MTOR: variants seen among roughly 807,000 people sequenced by gnomAD.
MTOR encodes the protein mechanistic target of rapamycin kinase.
A neutral mutation model predicts 319.8 loss-of-function variants in MTOR; 70 were observed. The ratio of observed to expected loss-of-function variants is 0.22; its 90% CI spans 0.18 to 0.27. The LOEUF (loss-of-function observed/expected upper bound fraction) is 0.27, where lower values mean the gene tolerates loss of function less well. MTOR is among the 10% of genes least tolerant of loss of function. The probability of loss-of-function intolerance (pLI) is 1.00; values close to 1 mark genes in which losing one functional copy is unlikely to be tolerated. For synonymous variants in MTOR, 1,183 were observed against 1,211.4 expected, an observed-to-expected ratio of 0.98 and a Z score of 0.49; for missense variants, 1,890 against 3,274.4, an observed-to-expected ratio of 0.58 and a Z score of 10.32.
intron 11 of MTOR, 49 bp downstream of exon 11, chr1:11,240,254 G>A: frequency 6.6e-7 from 1 of 1,510,228 alleles, no homozygotes; most frequent in Non-Finnish European, 8.8e-7. Context: ...CTTTCCCAAA[G>A]TTTCCAGCAT....
chr1:11,228,545 G>T (rs1055348578), intron 19 of MTOR, 123 bp downstream of exon 19: 1 of 1,317,922 alleles, frequency 7.6e-7, no homozygotes, highest in Non-Finnish European at 1.0e-6. Context: ...TGGGAGTTAA[G>T]GGGGAGGAAG....
At chr1:11,114,575 G>C in intron 52 of MTOR, 122 bp from the exon 53 acceptor site, 1 of 1,385,278 alleles carries the variant, frequency 7.2e-7, no homozygotes, top group Middle Eastern at 1.8e-4. Flanking sequence ...ATCAGGGTGA[G>C]AATGTCTTAG....
At position 11,199,667 on chromosome 1, in the gene MTOR, A is replaced by G. The variant is rs2100747026; in HGVS notation, c.3981T>C (p.Ser1327=). ...LFNAAFVSCW[S]ELNEDQQDEL... is the part of the protein sequence containing the mutation. The stretch of plus-strand genomic sequence containing the variant: ...CATCCTGTTGATCTTCATTCAGTTC[A>G]GACCAGCAGGACACAAATGCAGCAT... The change falls in exon 27 of 58, where the codon TCT becomes TCC. Residue 1327 remains serine (S), a synonymous_variant. Transcript: ENST00000361445. The surrounding 1 kb of genome is among the most constrained non-coding windows in gnomAD (Gnocchi z 4.5). 1 of 1,614,246 alleles carries G rather than the reference A, an allele frequency of 6.2e-7. No homozygotes were observed. The highest frequency in any genetic ancestry group is 8.5e-7 in the Non-Finnish European group (1 of 1,180,034).
intron 47 of MTOR, among the ~76,000 whole-genome samples, chr1:11,123,385 T>C (rs1642643811): frequency 6.6e-6 from 1 of 150,528 alleles, no homozygotes; most frequent in Non-Finnish European, 1.5e-5. Context: ...GCCCCCTGAG[T>C]AGCTGGGACT....
In MTOR at chr1:11,212,411, C is replaced by A. The variant is rs17036536; in HGVS notation, c.3462G>T (p.Arg1154=). Reference sequence around the variant, plus strand: ...GTGTTCGAACAATAGGGTGAATGATCCGGGAGGCATAGTCAGTGAAATCCA... The same window carrying A: ...GTGTTCGAACAATAGGGTGAATGATACGGGAGGCATAGTCAGTGAAATCCA... ...ESLDFTDYAS[R]IIHPIVRTLD... Residue 1154 remains arginine, a synonymous_variant, in exon 23 of 58, where the codon CGG becomes CGT. Transcript: ENST00000361445. The surrounding 1 kb of genome is among the most constrained non-coding windows in gnomAD (Gnocchi z 4.1). 6 of 1,614,038 alleles carry A rather than the reference C, an allele frequency of 3.7e-6. No individual in the cohort carries two copies. The highest frequency in any genetic ancestry group is 4.2e-6 in the Non-Finnish European group (5 of 1,180,030).
intron 28 of MTOR, chr1:11,190,007 A>C (rs774190861): frequency 6.4e-7 from 1 of 1,552,190 alleles, no homozygotes; most frequent in Admixed American, 1.8e-5. Context: ...CATCTACAGC[A>C]CTGCTTCTAC....
intron 29 of MTOR, among the ~76,000 whole-genome samples, chr1:11,166,664 A>G (rs142598103): frequency 0.059 from 8,976 of 152,270 alleles, 373 homozygotes; most frequent in South Asian, 0.12. Flanking sequence ...AACTAGTTCA[A>G]CCATTGTGGA....
chr1:11,111,147 C>T lies in MTOR; in HGVS notation c.7367-1418G>A, dbSNP rs1266468585. The T allele has an allele frequency of 2.2e-5, 10 of 455,804 alleles. No homozygotes were observed. The East Asian group carries it at 6.9e-4, about 32-fold the overall frequency. 28.2% of individuals were successfully genotyped at this position (455,804 alleles called of 1,614,324 possible). A position where few individuals can be genotyped will look rare whatever the true frequency, so the allele number is the denominator to read the frequency against. On this transcript the variant is annotated intron_variant, in intron 54 of 57. Transcript: ENST00000361445. ...AATTTCTTGCCTGAAACACCCTTTT[C>T]CTTTCTACCCATCAGATTCCACCCA... is the stretch of plus-strand genomic sequence containing the variant.
chr1:11,124,566 C>G lies in MTOR; in HGVS notation c.6594G>C (p.Val2198=), dbSNP rs2100382063. The change falls in exon 47 of 58, where the codon GTG becomes GTC. Residue 2198 remains valine, a synonymous_variant. Coordinates refer to ENST00000361445, the MANE Select transcript of MTOR (RefSeq NM_004958.4). ...TGTTAACCAGGCCGAAGAGCTGCAT[C>G]ACACGCTCATCCTGGCGCAGATCTT... ...GHEDLRQDER[V]MQLFGLVNTL... is the part of the protein sequence containing the mutation. The G allele has an allele frequency of 6.2e-7, 1 of 1,613,220 alleles. No homozygotes were observed. The highest frequency in any genetic ancestry group is 8.5e-7 in the Non-Finnish European group (1 of 1,179,180).
At chr1:11,260,544 AT>A (rs1284480403) in intron 1 of MTOR, among the ~76,000 whole-genome samples, 5 of 151,588 alleles carry the variant, frequency 3.3e-5, no homozygotes, top group Admixed American at 2.0e-4. Flanking sequence ...CTCCATCTCA[AT>A]TAAAAAAAAA....
At chr1:11,261,330 C>T (rs1651100180) in intron 1 of MTOR, among the ~76,000 whole-genome samples, 2 of 151,320 alleles carry the variant, frequency 1.3e-5, no homozygotes, top group South Asian at 2.1e-4. Flanking sequence ...AAAAATTAGC[C>T]GTATGGTGGC....
chr1:11,221,522 C>T (rs1646662183), intron 19 of MTOR, among the ~76,000 whole-genome samples: 1 of 151,270 alleles, frequency 6.6e-6, no homozygotes, highest in Admixed American at 6.6e-5. Flanking sequence ...AATCAGAGCT[C>T]CTTGGAAATG....
rs17848585 is a variant in MTOR at position 11,243,553 on chromosome 1, T to C, written c.1226-253A>G. On this transcript the variant is annotated intron_variant, in intron 8 of 57. Coordinates refer to ENST00000361445, the MANE Select transcript of MTOR (RefSeq NM_004958.4). ...AAAAATAAAAATTAGCCAGGTGTGG[T>C]GGTGCATGCCTGTAATCCCAGCTAC... 0.059 allele frequency among the ~76,000 whole-genome samples: 8,992 copies of C among 151,822 alleles called. 377 individuals are homozygous for C. Among genetic ancestry groups the C allele is most frequent in the South Asian group, 0.12 (596 of 4,792 alleles).
At chr1:11,126,563 G>T in intron 46 of MTOR, 59 bp downstream of exon 46, 1 of 1,546,262 alleles carries the variant, frequency 6.5e-7, no homozygotes, top group Non-Finnish European at 8.8e-7. Context: ...GAAGAGGGAA[G>T]GGGTCTCAGC....
chr1:11,256,481 G>C (rs115463606), intron 4 of MTOR, among the ~76,000 whole-genome samples: 1 of 152,238 alleles, frequency 6.6e-6, no homozygotes, highest in East Asian at 1.9e-4. Flanking sequence ...TAACAGCCTA[G>C]AACTCTACCT....
chr1:11,153,748 C>T (rs1396702422), intron 30 of MTOR, among the ~76,000 whole-genome samples: 2 of 151,970 alleles, frequency 1.3e-5, no homozygotes, highest in Admixed American at 6.6e-5. Context: ...GACTGAGGAA[C>T]TGAATTTCAC....
chr1:11,117,165 T>C (rs968243086), intron 49 of MTOR, 79 bp from the exon 50 acceptor site: 12 of 1,212,784 alleles, frequency 9.9e-6, no homozygotes, highest in Non-Finnish European at 1.2e-5. Context: ...AAGCTGTCTT[T>C]GGTTTGTACT....
At chr1:11,140,543 C>T (rs1643649041) in intron 34 of MTOR, among the ~76,000 whole-genome samples, 1 of 152,116 alleles carries the variant, frequency 6.6e-6, no homozygotes, top group South Asian at 2.1e-4. Context: ...GTCTGGGGAC[C>T]CCTGCCCTTA....
chr1:11,116,703 C>A (rs1357179605), intron 50 of MTOR, among the ~76,000 whole-genome samples: 1 of 152,160 alleles, frequency 6.6e-6, no homozygotes, highest in Non-Finnish European at 1.5e-5. Flanking sequence ...CTTGCTATTG[C>A]CCAAGTTGGT....
Sources: gnomAD v4.1 joint callset for allele counts (sites outside exome capture counted in the v4.1 genomes callset) on GRCh38, gnomAD v4.1.1 for gene constraint, Gnocchi (gnomAD v3.1) non-coding constraint, MANE v1.5 for transcripts, NCBI Gene and HGNC (gene_info 2026-07-23, HGNC 2026-07-21) for gene names.